Variants in TNFSF12 observed in about 807,000 individuals in gnomAD.
TNFSF12 encodes TNF superfamily member 12.
TNFSF12 carries 16 observed loss-of-function variants against 31.2 expected under a neutral mutation model. The ratio of observed to expected loss-of-function variants is 0.51; its 90% confidence interval spans 0.35 to 0.78. TNFSF12 has a LOEUF of 0.78. TNFSF12 is among the 30% of genes least tolerant of loss of function. The pLI is 0.01. For missense variants in TNFSF12, 324 were observed against 338.8 expected, an observed-to-expected ratio of 0.96 and a Z score of 0.34; for synonymous variants, 150 against 151.4, an observed-to-expected ratio of 0.99 and a Z score of 0.07.
chr17:7,551,279 G>T (rs77255978), intron 5 of TNFSF12, among the ~76,000 whole-genome samples: 2 of 151,906 alleles, frequency 1.3e-5, no homozygotes, highest in Non-Finnish European at 2.9e-5. Context: ...ACGTTCTGAT[G>T]ATCTTTTTCT....
At chr17:7,553,538 C>A in intron 5 of TNFSF12, 1 of 918,092 alleles carries the variant, frequency 1.1e-6, no homozygotes. Flanking sequence ...TTATCTAATC[C>A]TCACAACAGC....
intron 5 of TNFSF12, among the ~76,000 whole-genome samples, chr17:7,552,617 T>C (rs4968208): frequency 0.91 from 139,134 of 152,148 alleles, 63,888 homozygotes; most frequent in Middle Eastern, 0.97. Context: ...GTGTGAGCCC[T>C]TGTGCCCGGC....
Position 7,549,589 on chromosome 17 carries a change from G to A in TNFSF12, c.207+68G>A, listed in dbSNP as rs74578413. 4,268 of 1,469,882 alleles carry A rather than the reference G, an allele frequency of 2.9e-3. 101 individuals are homozygous for A. The African/African-American group carries it at 0.05, about 17-fold the overall frequency. The allele number at this position is 1,469,882 out of a possible 1,614,324, so 91.1% of individuals were successfully genotyped here. A position where few individuals can be genotyped will look rare whatever the true frequency, so the allele number is the denominator to read the frequency against. On this transcript the variant is annotated intron_variant, in intron 2 of 6. Transcript: ENST00000293825. The surrounding 1 kb of genome is among the most constrained non-coding windows in gnomAD (Gnocchi z 4.1). ...GAAGTGTGCACAGCCGAGGCTGCAG[G>A]TGTGTGCAGCTGTGCCAGCCGTACT...
rs143039184 is a variant in TNFSF12, at chr17:7,557,197, G to A, written c.597G>A (p.Ala199=). The A allele has an allele frequency of 4.8e-4, 771 of 1,612,036 alleles. 2 individuals are homozygous for A. Among genetic ancestry groups the A allele is most frequent in the African/African-American group, 4.7e-3 (354 of 74,976 alleles). ...LRCLEEFSAT[A]ASSLGPQLRL... is the part of the protein sequence containing the mutation. Reference sequence around the variant, plus strand: ...GCCTGGAGGAATTCTCAGCCACTGCGGCGAGTTCCCTCGGGCCCCAGCTCC... The same window carrying A: ...GCCTGGAGGAATTCTCAGCCACTGCAGCGAGTTCCCTCGGGCCCCAGCTCC... Residue 199 remains alanine (A), a synonymous_variant, in exon 7 of 7, where the codon GCG becomes GCA. Coordinates refer to ENST00000293825, the MANE Select transcript of TNFSF12 (RefSeq NM_003809.3). This position sits in a 1 kb window ranked among gnomAD's most constrained non-coding sequence, Gnocchi z 5.2.
intron 5 of TNFSF12, 76 bp from the exon 6 acceptor site, chr17:7,556,702 T>C (rs1403979261): frequency 2.2e-6 from 3 of 1,381,170 alleles, no homozygotes; most frequent in Non-Finnish European, 2.8e-6. Context: ...AATGTTCATA[T>C]GCTCAATGGA....
Position 7,557,308 on chromosome 17 carries a change from T to G in TNFSF12, c.708T>G (p.Ala236=). 6.2e-7 allele frequency: 1 copy of G among 1,612,214 alleles called. No individual in the cohort carries two copies. Among genetic ancestry groups the G allele is most frequent in the South Asian group, 1.1e-5 (1 of 90,930 alleles). The change falls in exon 7 of 7, where the codon GCT becomes GCG. Residue 236 remains alanine, a synonymous_variant. Transcript: ENST00000293825. This position sits in a 1 kb window ranked among gnomAD's most constrained non-coding sequence, Gnocchi z 5.2. ...IRTLPWAHLK[A]APFLTYFGLF... is the part of the protein sequence containing the mutation. ...CCCTCCCCTGGGCCCATCTCAAGGC[T>G]GCCCCCTTCCTCACCTACTTCGGAC...
intron 5 of TNFSF12, among the ~76,000 whole-genome samples, chr17:7,554,498 G>A (rs1305778123): frequency 6.7e-6 from 1 of 150,226 alleles, no homozygotes; most frequent in African/African-American, 2.5e-5. Flanking sequence ...TTATTTTTTA[G>A]TAGAGACGGG....
chr17:7,554,212 CCAGA>C (rs1438550907), intron 5 of TNFSF12, among the ~76,000 whole-genome samples: 7 of 152,138 alleles, frequency 4.6e-5, no homozygotes, highest in African/African-American at 1.7e-4. Flanking sequence ...TGGCAATTAT[CCAGA>C]CATTCATTCA....
chr17:7,556,916 G>C lies in TNFSF12; in HGVS notation c.498+14G>C. 2.0e-6 allele frequency: 3 copies of C among 1,524,208 alleles called. No individual in the cohort carries two copies. The highest frequency in any genetic ancestry group is 1.8e-6 in the Non-Finnish European group (2 of 1,134,320). 94.4% of individuals were successfully genotyped at this position (1,524,208 alleles called of 1,614,324 possible). ...CTGTACTGTCAGGTAAGCCCCATCT[G>C]GCTGCATGGGTAACGCAGTAAGAGA... is the stretch of plus-strand genomic sequence containing the variant. On this transcript the variant is annotated intron_variant, in intron 6 of 6. Coordinates refer to ENST00000293825, the MANE Select transcript of TNFSF12 (RefSeq NM_003809.3).
Position 7,549,483 on chromosome 17 carries a change from C to A in TNFSF12, c.169C>A (p.Gln57Lys). The A allele has an allele frequency of 6.5e-7, 1 of 1,542,986 alleles. No homozygotes were observed. The highest frequency in any genetic ancestry group is 2.4e-5 in the East Asian group (1 of 41,632). Residue 57 changes from glutamine (Q) to lysine (K), a missense_variant, in exon 2 of 7, where the codon CAG (glutamine) becomes AAG (lysine). Gln to Lys is a moderately conservative substitution (Grantham distance 53). Transcript: ENST00000293825. The surrounding 1 kb of genome is among the most constrained non-coding windows in gnomAD (Gnocchi z 4.1). ...CCCTCCTTCCCAGCAGGAGCCTGCC[C>A]AGGAGGAGCTGGTGGCAGAGGAGGA... ...RASLSAQEPA[Q>K]EELVAEEDQD...
chr17:7,557,521 A>G lies in TNFSF12; in HGVS notation c.*171A>G. ...GTTTTCCATCCCACATAAATACAGTATTCCCACTCTTATCTTACAACTCCC... is the reference window on the plus strand; with the variant it reads ...GTTTTCCATCCCACATAAATACAGTGTTCCCACTCTTATCTTACAACTCCC... On this transcript the variant is annotated 3_prime_UTR_variant, in exon 7 of 7. Coordinates refer to ENST00000293825, the MANE Select transcript of TNFSF12 (RefSeq NM_003809.3). This position sits in a 1 kb window ranked among gnomAD's most constrained non-coding sequence, Gnocchi z 5.2. The G allele has an allele frequency of 1.1e-6, 1 of 903,396 alleles. No homozygotes were observed. The highest frequency in any genetic ancestry group is 1.6e-6 in the Non-Finnish European group (1 of 623,708). The allele number at this position is 903,396 out of a possible 1,614,324, so 56.0% of individuals were successfully genotyped here.
Position 7,550,281 on chromosome 17 carries a change from A to T in TNFSF12, c.283+86A>T, listed in dbSNP as rs2070986248. On this transcript the variant is annotated intron_variant, in intron 3 of 6. Transcript: ENST00000293825. The surrounding 1 kb of genome is among the most constrained non-coding windows in gnomAD (Gnocchi z 4.4). The stretch of plus-strand genomic sequence containing the variant: ...GAGAAACTGAGGCACGGAGGGTGAA[A>T]GGAGTTCAGAGTCATGCAGCTAACC... 6.9e-6 allele frequency: 11 copies of T among 1,596,646 alleles called. No individual in the cohort carries two copies. The highest frequency in any genetic ancestry group is 9.4e-6 in the Non-Finnish European group (11 of 1,168,196).
chr17:7,549,273 C>T lies in TNFSF12; in HGVS notation c.120C>T (p.Ala40=), dbSNP rs1174250938. The part of the protein sequence containing the change: ...LALACLGLLL[A]VVSLGSRASL... ...TGGCCTGCCTCGGCCTCCTGCTGGC[C>T]GTGGTCAGTTTGGGGAGCCGGGCAT... The change falls in exon 1 of 7, where the codon GCC becomes GCT. Residue 40 remains alanine (A), a synonymous_variant. Transcript: ENST00000293825. This position sits in a 1 kb window ranked among gnomAD's most constrained non-coding sequence, Gnocchi z 4.1. 5.7e-6 allele frequency: 8 copies of T among 1,399,826 alleles called. No individual in the cohort carries two copies. The highest frequency in any genetic ancestry group is 7.4e-6 in the Non-Finnish European group (8 of 1,080,110). 86.7% of individuals were successfully genotyped at this position (1,399,826 alleles called of 1,614,324 possible).
Position 7,549,545 on chromosome 17 carries a change from G to A in TNFSF12, c.207+24G>A. 1 of 1,534,012 alleles carries A rather than the reference G, an allele frequency of 6.5e-7. No individual in the cohort carries two copies. The highest frequency in any genetic ancestry group is 8.8e-7 in the Non-Finnish European group (1 of 1,136,998). On this transcript the variant is annotated intron_variant, in intron 2 of 6. Coordinates refer to ENST00000293825, the MANE Select transcript of TNFSF12 (RefSeq NM_003809.3). The surrounding 1 kb of genome is among the most constrained non-coding windows in gnomAD (Gnocchi z 4.1). ...CGGTGAGTGGGCGTGGGCGCGGTCT[G>A]CAGGCTGCTGGGGCATGGGAAGTGT... is the stretch of plus-strand genomic sequence containing the variant.
intron 5 of TNFSF12, among the ~76,000 whole-genome samples, chr17:7,553,023 CTTTTTTTTTTTTTTTTTTT>C (rs71159509): frequency 4.5e-5 from 3 of 66,054 alleles, no homozygotes; most frequent in African/African-American, 1.4e-4. Flanking sequence ...CAGGGACAAC[CTTTTTTTTTTTTTTTTTTT>C]TTTTTTTTTT....
At chr17:7,553,473 C>T in intron 5 of TNFSF12, 1 of 466,228 alleles carries the variant, frequency 2.1e-6, no homozygotes, top group Admixed American at 2.5e-5. Context: ...TCTGATCTAA[C>T]ATGTACTGAG....
intron 5 of TNFSF12, among the ~76,000 whole-genome samples, chr17:7,552,138 A>C (rs2071007207): frequency 1.3e-5 from 2 of 152,170 alleles, no homozygotes. Context: ...GCCATTTCCT[A>C]AGAAGGGATT....
At chr17:7,554,602 A>C (rs1374175859) in intron 5 of TNFSF12, among the ~76,000 whole-genome samples, 3 of 147,478 alleles carry the variant, frequency 2.0e-5, no homozygotes, top group East Asian at 2.0e-4. Context: ...GGCGTGAGCC[A>C]CCGCGCCCAG....
intron 5 of TNFSF12, chr17:7,553,668 G>A (rs2071026170): frequency 2.3e-6 from 3 of 1,303,990 alleles, no homozygotes; most frequent in Non-Finnish European, 3.0e-6. Context: ...ATGTGCCTGT[G>A]TACTGGACAT....
Sources: gnomAD v4.1 joint callset for allele counts (sites outside exome capture counted in the v4.1 genomes callset) on GRCh38, gnomAD v4.1.1 for gene constraint, Gnocchi (gnomAD v3.1) non-coding constraint, MANE v1.5 for transcripts, NCBI Gene and HGNC (gene_info 2026-07-23, HGNC 2026-07-21) for gene names.